The following GSDMC variants were observed in gnomAD, a reference collection of about 807,000 sequenced individuals.
GSDMC encodes gasdermin C, also known as gasdermin-C.
Under a neutral mutation model 58.0 loss-of-function variants are expected in GSDMC, and 59 were observed. That is an observed-to-expected ratio of 1.02 (90% CI 0.82 to 1.26). The LOEUF is 1.26. GSDMC is among the 50% of genes most tolerant of loss of function. The pLI, the probability that GSDMC is intolerant of heterozygous loss-of-function variation, is 0.00. For missense variants in GSDMC, 659 were observed against 598.5 expected (o/e 1.10, Z -1.06); for synonymous variants, 241 against 220.2 (o/e 1.09, Z -0.83).
chr8:129,771,710 T>C (rs536080258), intron 3 of GSDMC, among the ~76,000 whole-genome samples: 466 of 151,278 alleles, frequency 3.1e-3, no homozygotes, highest in Non-Finnish European at 4.9e-3. Flanking sequence ...CCAATAACAA[T>C]GGCACAAAAC....
intron 6 of GSDMC, among the ~76,000 whole-genome samples, chr8:129,757,444 G>A (rs1323664222): frequency 6.6e-6 from 1 of 151,964 alleles, no homozygotes; most frequent in Non-Finnish European, 1.5e-5. Flanking sequence ...AGGACCTGAT[G>A]GATTCACTGC....
chr8:129,750,043 T>C lies in GSDMC; in HGVS notation c.1160A>G (p.His387Arg). 6.2e-7 allele frequency: 1 copy of C among 1,611,588 alleles called. No individual in the cohort carries two copies. The highest frequency in any genetic ancestry group is 8.5e-7 in the Non-Finnish European group (1 of 1,178,786). ...ILKKLQQDSN[H>R]AWFNPKDPIL... ...GGGGTCCTTTGGGTTAAACCATGCA[T>C]GGTTTGAATCCTGTTGAAGTTTCTT... The change falls in exon 12 of 14, where the codon CAT (histidine) becomes CGT (arginine). Residue 387 changes from histidine to arginine, a missense_variant. By Grantham distance (29) the His-to-Arg change is conservative. Coordinates refer to ENST00000276708, the MANE Select transcript of GSDMC (RefSeq NM_031415.3).
At chr8:129,772,304 G>T (rs1388669812) in intron 3 of GSDMC, among the ~76,000 whole-genome samples, 1 of 150,362 alleles carries the variant, frequency 6.7e-6, no homozygotes, top group Non-Finnish European at 1.5e-5. Context: ...AAATTAAATG[G>T]AAAATAGAAA....
chr8:129,732,374 C>T, the GSDMC span, among the ~76,000 whole-genome samples: 93 of 149,972 alleles, frequency 6.2e-4, no homozygotes, highest in Non-Finnish European at 1.1e-3. Context: ...TCTACAGTTA[C>T]ACCCCCTAGG....
At chr8:129,747,900 T>C (rs1240482169), downstream of GSDMC, among the ~76,000 whole-genome samples, 1 of 151,960 alleles carries the variant, frequency 6.6e-6, no homozygotes, top group African/African-American at 2.4e-5. Flanking sequence ...GACAGATACA[T>C]GACCAAGAAA....
the GSDMC span, among the ~76,000 whole-genome samples, chr8:129,727,270 TA>T: frequency 1.4e-4 from 21 of 152,244 alleles, no homozygotes; most frequent in Non-Finnish European, 2.6e-4. Flanking sequence ...GATGGTGGAT[TA>T]AAGCCTTTTA....
chr8:129,723,536 G>C, the GSDMC span, among the ~76,000 whole-genome samples: 2 of 151,324 alleles, frequency 1.3e-5, no homozygotes, highest in African/African-American at 4.9e-5. Context: ...AAAGTGCTGG[G>C]ATTACAGGCA....
intron 2 of GSDMC, among the ~76,000 whole-genome samples, chr8:129,777,006 G>A (rs779560740): frequency 3.0e-4 from 46 of 151,798 alleles, no homozygotes; most frequent in Non-Finnish European, 5.7e-4. Flanking sequence ...CTGGCCTCAA[G>A]TGATCTGCCC....
chr8:129,748,586 C>T lies in GSDMC; in HGVS notation c.1442G>A (p.Arg481Lys). The T allele has an allele frequency of 6.2e-7, 1 of 1,613,752 alleles. No individual in the cohort carries two copies. The highest frequency in any genetic ancestry group is 1.1e-5 in the South Asian group (1 of 91,018). The change falls in exon 14 of 14, where the codon AGG (arginine) becomes AAG (lysine). Residue 481 changes from arginine to lysine, a missense_variant. Arg to Lys is a conservative substitution (Grantham distance 26). Transcript: ENST00000276708. Reference protein sequence around the residue: ...CGLRMELDNPRSTWDVEAKMP... With the variant: ...CGLRMELDNPKSTWDVEAKMP... ...CTTTGCTTCTACATCCCAGGTTGAC[C>T]TGGGGTTATCCAGCTCCATCCTAAG...
At chr8:129,758,404 A>G (rs570437328) in intron 6 of GSDMC, among the ~76,000 whole-genome samples, 1 of 152,340 alleles carries the variant, frequency 6.6e-6, no homozygotes, top group African/African-American at 2.4e-5. Flanking sequence ...GGGCATCCAG[A>G]TTGGAAAGGA....
chr8:129,780,630 C>T (rs77198359), intron 1 of GSDMC, among the ~76,000 whole-genome samples: 7,167 of 152,064 alleles, frequency 0.047, 277 homozygotes, highest in East Asian at 0.2. Flanking sequence ...ACCTGTCTTA[C>T]GAGAAATACT....
the GSDMC span, chr8:129,707,290 C>T: frequency 6.6e-6 from 1 of 151,982 alleles, no homozygotes; most frequent in Non-Finnish European, 1.5e-5. Context: ...GATGGCTGCA[C>T]AATCTGCAGG....
the GSDMC span, chr8:129,707,220 T>C: frequency 1.3e-4 from 19 of 149,774 alleles, no homozygotes; most frequent in African/African-American, 4.4e-4. Context: ...AGATAAGTAA[T>C]GTGGCTGGTG....
At chr8:129,770,286 G>A (rs2034005775) in intron 3 of GSDMC, among the ~76,000 whole-genome samples, 1 of 152,254 alleles carries the variant, frequency 6.6e-6, no homozygotes, top group East Asian at 1.9e-4. Context: ...CTTGAGGCCA[G>A]GAGTTCAAGA....
intron 6 of GSDMC, among the ~76,000 whole-genome samples, chr8:129,758,575 T>G (rs2033532421): frequency 6.6e-6 from 1 of 152,158 alleles, no homozygotes; most frequent in Non-Finnish European, 1.5e-5. Flanking sequence ...ATGCCAACAG[T>G]GAACACTCTA....
At chr8:129,765,562 A>C in intron 4 of GSDMC, 66 bp downstream of exon 4, 1 of 1,159,758 alleles carries the variant, frequency 8.6e-7, no homozygotes, top group South Asian at 1.2e-5. Flanking sequence ...CTAGGAAATG[A>C]AGCTTGGCTG....
intron 6 of GSDMC, among the ~76,000 whole-genome samples, chr8:129,758,882 G>A (rs1470695821): frequency 2.0e-5 from 3 of 151,918 alleles, no homozygotes; most frequent in Admixed American, 2.0e-4. Flanking sequence ...TCATATGGAA[G>A]CACAAAAGAC....
chr8:129,710,726 G>A, the GSDMC span, among the ~76,000 whole-genome samples: 1 of 152,196 alleles, frequency 6.6e-6, no homozygotes, highest in Admixed American at 6.5e-5. Flanking sequence ...CTGGATGAAT[G>A]AATGCTTCTG....
intron 9 of GSDMC, 97 bp from the exon 10 acceptor site, chr8:129,751,665 T>C: frequency 8.2e-7 from 1 of 1,226,232 alleles, no homozygotes; most frequent in Non-Finnish European, 1.2e-6. Context: ...ACCTCCTCCC[T>C]CTTACTCAAC....
Sources: allele counts gnomAD v4.1 joint callset (sites outside exome capture counted in the v4.1 genomes callset), GRCh38; gene constraint gnomAD v4.1.1; transcripts MANE v1.5; gene names NCBI Gene and HGNC (gene_info 2026-07-23, HGNC 2026-07-21).